The following MYH7B variants were observed in gnomAD, a reference collection of about 807,000 sequenced individuals.
MYH7B encodes the protein myosin heavy chain 7B.
A neutral mutation model predicts 234.5 loss-of-function variants in MYH7B; 205 were observed. That is an observed-to-expected ratio of 0.87 (90% CI 0.78 to 0.98). The LOEUF (loss-of-function observed/expected upper bound fraction) is 0.98. Ranked by LOEUF, MYH7B falls within the 50% of genes least tolerant of loss-of-function variation. The pLI, the probability that MYH7B is intolerant of heterozygous loss-of-function variation, is 0.00. For missense variants in MYH7B, 2,652 were observed against 2,633.4 expected (o/e 1.01, Z -0.15); for synonymous variants, 1,193 against 1,105.0 (o/e 1.08, Z -1.58).
At chr20:34,967,742 A>G (rs1312652046) in intron 2 of MYH7B, among the ~76,000 whole-genome samples, 1 of 152,136 alleles carries the variant, frequency 6.6e-6, no homozygotes, top group Non-Finnish European at 1.5e-5. Flanking sequence ...CCTGATGCCA[A>G]TTCCAACCTG....
intron 7 of MYH7B, chr20:34,980,138 C>T (rs2081921016): frequency 5.0e-6 from 2 of 400,590 alleles, no homozygotes; most frequent in Non-Finnish European, 9.3e-6. Flanking sequence ...GAGGCCAGGA[C>T]GGCCACAGAG....
At chr20:34,966,887 T>C (rs1408163745) in intron 2 of MYH7B, among the ~76,000 whole-genome samples, 1 of 150,926 alleles carries the variant, frequency 6.6e-6, no homozygotes, top group African/African-American at 2.4e-5. Context: ...ATTATGCCAC[T>C]GTACTCGAAC....
Position 34,998,699 on chromosome 20 carries a change from G to A in MYH7B, c.3994-20G>A, listed in dbSNP as rs1224297367. ...AGCCACTGGGCTGCACTAACGCTGA[G>A]GTCACTGGTGTCCCTGCAGGCCAAG... is the stretch of plus-strand genomic sequence containing the variant. On this transcript the variant is annotated intron_variant, in intron 34 of 44. Transcript: ENST00000262873. The A allele has an allele frequency of 1.2e-6, 2 of 1,611,382 alleles. No individual in the cohort carries two copies. The highest frequency in any genetic ancestry group is 2.7e-5 in the African/African-American group (2 of 74,936).
chr20:34,968,681 G>T (rs565559229), intron 2 of MYH7B, among the ~76,000 whole-genome samples: 2 of 152,320 alleles, frequency 1.3e-5, no homozygotes, highest in South Asian at 4.1e-4. Context: ...ACCCCTGGGG[G>T]TACATCTTCT....
Position 34,997,655 on chromosome 20 carries a change from C to T in MYH7B, c.3747+15C>T, listed in dbSNP as rs754208740. On this transcript the variant is annotated intron_variant, in intron 32 of 44. Coordinates refer to ENST00000262873, the Ensembl canonical transcript of MYH7B. ...CCCGCGCCAAGGTGTCCGTGCCTTC[C>T]TCACCCCATACCCACCCTGACTTTA... 1 of 1,612,550 alleles carries T rather than the reference C, an allele frequency of 6.2e-7. No homozygotes were observed. Among genetic ancestry groups the T allele is most frequent in the Admixed American group, 1.7e-5 (1 of 59,884 alleles).
At chr20:35,002,371 C>T (rs1052027707) in exon 45 of MYH7B, 7 of 608,488 alleles carry the variant, frequency 1.2e-5, no homozygotes, top group South Asian at 6.9e-5. Context: ...AGGAAAAACA[C>T]AGTCCTAGGG....
chr20:34,987,955 G>T, intron 18 of MYH7B, 41 bp downstream of exon 18: 1 of 1,564,324 alleles, frequency 6.4e-7, no homozygotes, highest in Non-Finnish European at 8.7e-7. Flanking sequence ...TCTCTCCAAG[G>T]TAGAGGACAT....
exon 6 of MYH7B, chr20:34,979,408 T>C: frequency 6.2e-7 from 1 of 1,613,530 alleles, no homozygotes; most frequent in Non-Finnish European, 8.5e-7. Context: ...CGAGTCTGGG[T>C]GCCTGATGAA....
exon 39 of MYH7B, chr20:35,000,683 T>C (rs1569066861): frequency 6.3e-7 from 1 of 1,593,836 alleles, no homozygotes; most frequent in Non-Finnish European, 8.5e-7. Context: ...ACCTTCTGCA[T>C]TCGCAGGTGG....
rs528456709 is a variant in MYH7B at position 34,998,698 on chromosome 20, A to G, written c.3994-21A>G. ...GAGCCACTGGGCTGCACTAACGCTGAGGTCACTGGTGTCCCTGCAGGCCAA... is the reference window on the plus strand; with the variant it reads ...GAGCCACTGGGCTGCACTAACGCTGGGGTCACTGGTGTCCCTGCAGGCCAA... On this transcript the variant is annotated intron_variant, in intron 34 of 44. Transcript: ENST00000262873. The G allele has an allele frequency of 2.5e-6, 4 of 1,611,442 alleles. No individual in the cohort carries two copies. The African/African-American group carries it at 4.0e-5, about 16-fold the overall frequency.
At chr20:34,993,363 C>A in exon 26 of MYH7B, 2 of 1,613,998 alleles carry the variant, frequency 1.2e-6, no homozygotes, top group South Asian at 2.2e-5. Flanking sequence ...TTCTAGGCGT[C>A]CTGGAAGAGC....
At chr20:34,997,429 G>A (rs1436871674) in exon 32 of MYH7B, 1 of 1,474,654 alleles carries the variant, frequency 6.8e-7, no homozygotes, top group Non-Finnish European at 8.9e-7. Flanking sequence ...GCGGAGCTGG[G>A]GAGGCTGCGG....
In MYH7B at chr20:34,995,255, C is replaced by G. The variant is rs1423522119; in HGVS notation, c.2701-81C>G. On this transcript the variant is annotated intron_variant, in intron 27 of 44. Transcript: ENST00000262873. ...CAAACTTTGCTACAGAGGCAGTTTC[C>G]TCTCCAGGGCCTGGCCTGGTGTCTC... 2.1e-6 allele frequency: 3 copies of G among 1,446,666 alleles called. No homozygotes were observed. The Admixed American group carries it at 5.8e-5, about 28-fold the overall frequency. The allele number at this position is 1,446,666 out of a possible 1,614,324, so 89.6% of individuals were successfully genotyped here.
In MYH7B at chr20:34,980,669, G is replaced by A. The variant is rs374369942; in HGVS notation, c.434G>A (p.Arg145His). The change falls in exon 8 of 45, where the codon CGC becomes CAC. Residue 145 changes from arginine to histidine, a missense_variant. Around this residue, in one of 3 missense-constraint regions of MYH7B, gnomAD observed 366 missense variants for 401.2 expected, o/e 0.91. Transcript: ENST00000262873. ...GTAGTGGCTGCTTACAAGGGAAAGCGCCGCTCAGATTCCCCGCCCCATATA... is the reference window on the plus strand; with the variant it reads ...GTAGTGGCTGCTTACAAGGGAAAGCACCGCTCAGATTCCCCGCCCCATATA... 3.0e-5 allele frequency: 49 copies of A among 1,614,094 alleles called. No individual in the cohort carries two copies. The highest frequency in any genetic ancestry group is 4.0e-5 in the Non-Finnish European group (47 of 1,180,030).
intron 2 of MYH7B, 37 bp from the exon 3 acceptor site, chr20:34,975,363 C>A: frequency 3.5e-6 from 2 of 565,040 alleles, no homozygotes; most frequent in South Asian, 4.6e-5. Context: ...TGCCACCATG[C>A]CTGGCTAATT....
At chr20:34,993,990 A>G (rs1051349536) in intron 26 of MYH7B, among the ~76,000 whole-genome samples, 156 bp from the exon 27 acceptor site, 4 of 152,200 alleles carry the variant, frequency 2.6e-5, no homozygotes, top group African/African-American at 7.2e-5. Context: ...GGCCTGTGGG[A>G]CTGTGGGCCT....
chr20:34,975,207 G>A (rs977281533), intron 2 of MYH7B, among the ~76,000 whole-genome samples, 193 bp from the exon 3 acceptor site: 1 of 152,178 alleles, frequency 6.6e-6, no homozygotes, highest in Non-Finnish European at 1.5e-5. Flanking sequence ...TACAGGGTAC[G>A]GTTTTGTTTT....
intron 2 of MYH7B, among the ~76,000 whole-genome samples, chr20:34,967,097 C>T (rs906265703): frequency 4.8e-5 from 7 of 146,844 alleles, no homozygotes; most frequent in East Asian, 2.0e-4. Context: ...GGCATGGTGG[C>T]GCGCACCTGT....
At chr20:34,987,473 T>G in intron 16 of MYH7B, 84 bp from the exon 17 acceptor site, 1 of 1,432,058 alleles carries the variant, frequency 7.0e-7, no homozygotes, top group Non-Finnish European at 9.6e-7. Context: ...TTAACTTCCC[T>G]CTCCTAGCCC....
Sources: gnomAD v4.1 joint callset for allele counts (sites outside exome capture counted in the v4.1 genomes callset) on GRCh38, gnomAD v4.1.1 for gene constraint, gnomAD v4.1.1 regional missense constraint, MANE v1.5 for transcripts, NCBI Gene and HGNC (gene_info 2026-07-23, HGNC 2026-07-21) for gene names.